Variants in FBXL17 observed in about 807,000 individuals in gnomAD.
The protein encoded by FBXL17 is F-box/LRR-repeat protein 17.
Under a neutral mutation model 66.2 loss-of-function variants are expected in FBXL17, and 22 were observed. The ratio of observed to expected loss-of-function variants is 0.33; its 90% CI spans 0.24 to 0.47. The LOEUF (loss-of-function observed/expected upper bound fraction) is 0.47. FBXL17 is among the 20% of genes least tolerant of loss of function. The pLI, the probability that FBXL17 is intolerant of heterozygous loss-of-function variation, is 1.00. For missense variants in FBXL17, 878 were observed against 948.2 expected, an observed-to-expected ratio of 0.93 and a Z score of 0.97; for synonymous variants, 474 against 400.5, an observed-to-expected ratio of 1.18 and a Z score of -2.19.
At chr5:108,108,335 T>G (rs574715433) in intron 6 of FBXL17, among the ~76,000 whole-genome samples, 3 of 152,306 alleles carry the variant, frequency 2.0e-5, no homozygotes, top group Non-Finnish European at 4.4e-5. Context: ...GTAACTCCAG[T>G]GCTAACAATA....
intron 6 of FBXL17, among the ~76,000 whole-genome samples, chr5:108,087,675 C>T (rs1015564251): frequency 6.6e-6 from 1 of 151,976 alleles, no homozygotes; most frequent in African/African-American, 2.4e-5. Context: ...CATATTATAA[C>T]ACACTTTCAC....
intron 8 of FBXL17, chr5:107,878,442 A>C (rs1013829121): frequency 1.6e-6 from 1 of 606,140 alleles, no homozygotes; most frequent in African/African-American, 2.0e-5. Flanking sequence ...TCACAATTCT[A>C]CAAGATAGGT....
At chr5:108,296,934 A>G (rs1330860705) in intron 4 of FBXL17, among the ~76,000 whole-genome samples, 1 of 151,514 alleles carries the variant, frequency 6.6e-6, no homozygotes, top group Non-Finnish European at 1.5e-5. Context: ...TTGTTGCTCA[A>G]TTAGATAATA....
rs899877777 is a variant in FBXL17 at position 107,859,389 on chromosome 5, T to G, written c.*2331A>C. ...ACTCAAGGTGATGCTTTTTTCTGGC[T>G]GTTTTTTTTTTTTTTTTTTTTTTTT... On this transcript the variant is annotated 3_prime_UTR_variant, in exon 9 of 9. Transcript: ENST00000542267. 1 of 98,260 alleles carries G rather than the reference T, an allele frequency of 1.0e-5. No individual in the cohort carries two copies. The highest frequency in any genetic ancestry group is 2.1e-5 in the Non-Finnish European group (1 of 48,488). The allele number at this position is 98,260 out of a possible 1,614,324, so 6.1% of individuals were successfully genotyped here. A position where few individuals can be genotyped will look rare whatever the true frequency, so the allele number is the denominator to read the frequency against.
intron 6 of FBXL17, among the ~76,000 whole-genome samples, chr5:108,145,982 G>T (rs1014921715): frequency 5.3e-5 from 8 of 152,028 alleles, no homozygotes; most frequent in African/African-American, 1.9e-4. Flanking sequence ...ACTTTGGGAG[G>T]CCGAGGCGGG....
intron 4 of FBXL17, among the ~76,000 whole-genome samples, chr5:108,313,583 AAAG>A (rs1285790458): frequency 9.2e-5 from 14 of 152,160 alleles, no homozygotes; most frequent in East Asian, 3.9e-4. Flanking sequence ...GATAGTGGCA[AAAG>A]AAGAATTATC....
intron 6 of FBXL17, among the ~76,000 whole-genome samples, chr5:108,162,651 C>T (rs1752259750): frequency 1.3e-5 from 2 of 152,308 alleles, no homozygotes; most frequent in South Asian, 2.1e-4. Context: ...CTCAAAATAG[C>T]TCACTTGGGA....
intron 4 of FBXL17, among the ~76,000 whole-genome samples, chr5:108,258,737 A>AT (rs759401052): frequency 0.038 from 4,675 of 122,822 alleles, 263 homozygotes; most frequent in African/African-American, 0.11. Flanking sequence ...GGCCTTTAAC[A>AT]TTTTTTTTTT....
intron 4 of FBXL17, among the ~76,000 whole-genome samples, chr5:108,263,860 A>T (rs982667202): frequency 6.6e-6 from 1 of 152,196 alleles, no homozygotes; most frequent in Admixed American, 6.5e-5. Context: ...TTATTAGAAC[A>T]AACTACCCAA....
intron 7 of FBXL17, among the ~76,000 whole-genome samples, chr5:107,984,666 T>C (rs1412133153): frequency 6.6e-6 from 1 of 152,232 alleles, no homozygotes; most frequent in Non-Finnish European, 1.5e-5. Context: ...AAAATGGCTA[T>C]CATGCCATCT....
intron 6 of FBXL17, among the ~76,000 whole-genome samples, chr5:108,046,699 A>C (rs192757122): frequency 2.4e-4 from 37 of 152,312 alleles, no homozygotes; most frequent in Admixed American, 1.2e-3. Context: ...TGAAGTATAT[A>C]AACCTTACTC....
At position 107,963,598 on chromosome 5, in the gene FBXL17, G is replaced by C. The variant is rs572048926; in HGVS notation, c.1822+57327C>G. ...CTTGTTTTATTTCCTTTAAAACGAG[G>C]ATAGCACTACTTTTTCTTTTAGGGT... On this transcript the variant is annotated intron_variant, in intron 7 of 8. Transcript: ENST00000542267. Among the ~76,000 whole-genome samples the C allele has an allele frequency of 5.9e-5, 9 of 152,150 alleles. No homozygotes were observed. The South Asian group carries it at 1.9e-3, about 32-fold the overall frequency.
At chr5:108,014,699 A>C (rs1273683103) in intron 7 of FBXL17, among the ~76,000 whole-genome samples, 2 of 152,202 alleles carry the variant, frequency 1.3e-5, no homozygotes, top group Non-Finnish European at 2.9e-5. Flanking sequence ...ATTAAATACC[A>C]AATTTTGGGT....
chr5:108,039,636 T>C (rs1467171116), intron 6 of FBXL17, among the ~76,000 whole-genome samples: 1 of 152,126 alleles, frequency 6.6e-6, no homozygotes, highest in Non-Finnish European at 1.5e-5. Flanking sequence ...TATCACTTGT[T>C]AAAATTATCA....
At chr5:107,879,038 A>G in intron 8 of FBXL17, 3 of 985,486 alleles carry the variant, frequency 3.0e-6, no homozygotes, top group Non-Finnish European at 3.6e-6. Flanking sequence ...ACTAATTTGC[A>G]TTTGGGTAGA....
intron 4 of FBXL17, among the ~76,000 whole-genome samples, chr5:108,314,136 A>T (rs974119055): frequency 6.6e-6 from 1 of 151,784 alleles, no homozygotes; most frequent in Non-Finnish European, 1.5e-5. Context: ...TGCAAGAAAG[A>T]TCATATTTAA....
chr5:107,995,279 A>G (rs1457171601), intron 7 of FBXL17, among the ~76,000 whole-genome samples: 4 of 152,234 alleles, frequency 2.6e-5, no homozygotes, highest in African/African-American at 9.6e-5. Flanking sequence ...TACAGAAATG[A>G]TTCAATGTTT....
Position 108,381,487 on chromosome 5 carries a change from C to A in FBXL17, c.205G>T (p.Gly69Cys). 7.4e-7 allele frequency: 1 copy of A among 1,351,198 alleles called. No individual in the cohort carries two copies. The highest frequency in any genetic ancestry group is 9.4e-7 in the Non-Finnish European group (1 of 1,059,456). 83.7% of individuals were successfully genotyped at this position (1,351,198 alleles called of 1,614,324 possible). Residue 69 changes from glycine (G) to cysteine (C), a missense_variant, in exon 1 of 9, where the codon GGC becomes TGC. Physicochemically the swap from Gly to Cys is radical, Grantham distance 159. Coordinates refer to ENST00000542267, the MANE Select transcript of FBXL17 (RefSeq NM_001163315.3). ...CMLCFIVHSP[G>C]APAPAGPEEE... ...TCTGGGCCGGCGGGGGCGGGCGCGCCGGGACTGTGCACGATGAAGCAGAGC... is the reference window on the plus strand; with the variant it reads ...TCTGGGCCGGCGGGGGCGGGCGCGCAGGGACTGTGCACGATGAAGCAGAGC...
At chr5:107,948,908 TTC>T (rs1751403308) in intron 7 of FBXL17, among the ~76,000 whole-genome samples, 1 of 152,202 alleles carries the variant, frequency 6.6e-6, no homozygotes, top group Non-Finnish European at 1.5e-5. Context: ...AGACAGAGCA[TTC>T]GCTCTGTGTG....
Sources: gnomAD v4.1 joint callset for allele counts (sites outside exome capture counted in the v4.1 genomes callset) on GRCh38, gnomAD v4.1.1 for gene constraint, MANE v1.5 for transcripts, NCBI Gene and HGNC (gene_info 2026-07-23, HGNC 2026-07-21) for gene names.